DPPA3: variants seen among roughly 807,000 people sequenced by gnomAD.
The protein encoded by DPPA3 is developmental pluripotency associated 3.
DPPA3 carries 9 observed loss-of-function variants against 15.6 expected under a neutral mutation model. The ratio of observed to expected loss-of-function variants is 0.58; its 90% CI spans 0.35 to 1.01. DPPA3 has a LOEUF of 1.01. DPPA3 is among the 50% of genes least tolerant of loss of function. DPPA3 has a pLI of 0.02. For missense variants in DPPA3, 148 were observed against 194.6 expected, an observed-to-expected ratio of 0.76 and a Z score of 1.42; for synonymous variants, 61 against 70.9, an observed-to-expected ratio of 0.86 and a Z score of 0.70.
At chr12:7,712,103 G>T (rs1194576289) in intron 1 of DPPA3, among the ~76,000 whole-genome samples, 2 of 76,274 alleles carry the variant, frequency 2.6e-5, no homozygotes, top group African/African-American at 1.0e-4. Context: ...TTTTGGTAGA[G>T]ACGGGGTTTC....
intron 1 of DPPA3, among the ~76,000 whole-genome samples, chr12:7,712,089 GTA>G (rs1864352565): frequency 1.9e-4 from 3 of 15,896 alleles, no homozygotes; most frequent in East Asian, 2.1e-3. Context: ...TTTTTTTTTT[GTA>G]TTTTTGGTAG....
chr12:7,716,269 C>CCTT, intron 3 of DPPA3, 30 bp downstream of exon 3: 1 of 1,309,008 alleles, frequency 7.6e-7, no homozygotes, highest in Non-Finnish European at 1.0e-6. Context: ...TTTTATTTTC[C>CCTT]TTTTTTTTTT....
At position 7,716,716 on chromosome 12, in the gene DPPA3, G is replaced by A. The variant is rs1864404894; in HGVS notation, c.370-251G>A. Among the ~76,000 whole-genome samples, 2 of 152,278 alleles carry A rather than the reference G, an allele frequency of 1.3e-5. 1 individual carries two copies. Among genetic ancestry groups the A allele is most frequent in the Admixed American group, 1.3e-4 (2 of 15,294 alleles). On this transcript the variant is annotated intron_variant, in intron 3 of 3. Coordinates refer to ENST00000345088, the MANE Select transcript of DPPA3 (RefSeq NM_199286.4). ...GTTACATTTAAGGCATTCAGAGAAC[G>A]GAGACTAGAATGTTTTATTGACAGT...
intron 1 of DPPA3, among the ~76,000 whole-genome samples, chr12:7,712,532 C>A (rs970081676): frequency 6.6e-6 from 1 of 152,118 alleles, no homozygotes; most frequent in East Asian, 1.9e-4. Flanking sequence ...ACTGCAACCT[C>A]CGCCTCTCGG....
chr12:7,716,281 T>TTTG, intron 3 of DPPA3, 42 bp downstream of exon 3: 1 of 1,431,840 alleles, frequency 7.0e-7, no homozygotes, highest in Non-Finnish European at 9.4e-7. Context: ...TTTTTTTTTT[T>TTTG]GGCTATATAT....
chr12:7,715,924 C>A (rs1042360764), intron 2 of DPPA3, among the ~76,000 whole-genome samples: 1 of 152,074 alleles, frequency 6.6e-6, no homozygotes, highest in Admixed American at 6.6e-5. Context: ...AATCAGCCAT[C>A]TCTACAAAAA....
intron 1 of DPPA3, among the ~76,000 whole-genome samples, chr12:7,712,146 A>AAAG (rs1427376193): frequency 3.7e-4 from 51 of 139,650 alleles, no homozygotes; most frequent in African/African-American, 1.3e-3. Flanking sequence ...TGATCTCCTT[A>AAAG]CCTCGTGATC....
At chr12:7,713,150 AC>A (rs1864363499) in intron 1 of DPPA3, among the ~76,000 whole-genome samples, 1 of 152,106 alleles carries the variant, frequency 6.6e-6, no homozygotes, top group African/African-American at 2.4e-5. Flanking sequence ...CTTATTTATG[AC>A]CCTGACAGCG....
chr12:7,716,384 C>T, intron 3 of DPPA3, 145 bp downstream of exon 3: 1 of 631,966 alleles, frequency 1.6e-6, no homozygotes, highest in East Asian at 2.8e-5. Flanking sequence ...CTGGATAAGT[C>T]AGTTCATGTT....
chr12:7,711,720 CTT>C (rs3069565), intron 1 of DPPA3, 68 bp downstream of exon 1: 12,078 of 337,052 alleles, frequency 0.036, 556 homozygotes, highest in Admixed American at 0.13. Flanking sequence ...AGGCTGCCGT[CTT>C]TTTTTTTTTT....
At chr12:7,715,471 T>A (rs1386784325) in intron 2 of DPPA3, 44 bp downstream of exon 2, 6 of 1,612,632 alleles carry the variant, frequency 3.7e-6, no homozygotes, top group Non-Finnish European at 5.1e-6. Flanking sequence ...TTCCGGAGAG[T>A]GACACTCATA....
At position 7,715,300 on chromosome 12, in the gene DPPA3, G is replaced by C. The variant is rs1188717764; in HGVS notation, c.200G>C (p.Gly67Ala). The C allele has an allele frequency of 6.2e-7, 1 of 1,613,910 alleles. No homozygotes were observed. The highest frequency in any genetic ancestry group is 1.3e-5 in the African/African-American group (1 of 74,906). The part of the protein sequence containing the change: ...SEALLRRESV[G>A]AAVLREIEDE... ...GCTTTACTCCGTCGAGAGTCTGTAGGAGCAGCAGTCCTCAGGGAAATCGAA... is the reference window on the plus strand; with the variant it reads ...GCTTTACTCCGTCGAGAGTCTGTAGCAGCAGCAGTCCTCAGGGAAATCGAA... Residue 67 changes from glycine to alanine, a missense_variant, in exon 2 of 4, where the codon GGA (glycine) becomes GCA (alanine). Coordinates refer to ENST00000345088, the MANE Select transcript of DPPA3 (RefSeq NM_199286.4).
Position 7,711,625 on chromosome 12 carries a change from A to C in DPPA3, c.55A>C (p.Thr19Pro), listed in dbSNP as rs1350634983. ...TYIPGSPQML[T>P]EENSRDDSGA... is the part of the protein sequence containing the mutation. Reference sequence around the variant, plus strand: ...CATCCCAGGGTCTCCACAAATGCTCACCGAAGAAAATTCCCGGGACGATTC... The same window carrying C: ...CATCCCAGGGTCTCCACAAATGCTCCCCGAAGAAAATTCCCGGGACGATTC... The change falls in exon 1 of 4, where the codon ACC becomes CCC. Residue 19 changes from threonine to proline, a missense_variant. By Grantham distance (38) the Thr-to-Pro change is conservative (BLOSUM62 -1). Coordinates refer to ENST00000345088, the MANE Select transcript of DPPA3 (RefSeq NM_199286.4). 6.2e-7 allele frequency: 1 copy of C among 1,609,192 alleles called. No individual in the cohort carries two copies. The highest frequency in any genetic ancestry group is 8.5e-7 in the Non-Finnish European group (1 of 1,178,170).
chr12:7,716,281 T>TTTTG (rs397775394), intron 3 of DPPA3, 42 bp downstream of exon 3: 1 of 1,431,076 alleles, frequency 7.0e-7, no homozygotes, highest in Non-Finnish European at 9.4e-7. Flanking sequence ...TTTTTTTTTT[T>TTTTG]GGCTATATAT....
intron 1 of DPPA3, among the ~76,000 whole-genome samples, chr12:7,712,242 C>A (rs1864353987): frequency 6.6e-6 from 1 of 151,022 alleles, no homozygotes; most frequent in African/African-American, 2.4e-5. Flanking sequence ...AGACCAGTTT[C>A]TGGGGATAAA....
chr12:7,712,339 AACAAAT>A (rs1864354581), intron 1 of DPPA3, among the ~76,000 whole-genome samples: 1 of 151,982 alleles, frequency 6.6e-6, no homozygotes, highest in Non-Finnish European at 1.5e-5. Flanking sequence ...GGTAAAAAGG[AACAAAT>A]ACAGAGACCA....
rs1332353104 is a variant in DPPA3 at position 7,716,189 on chromosome 12, C to T, written c.328-9C>T. 2 of 1,578,416 alleles carry T rather than the reference C, an allele frequency of 1.3e-6. No individual in the cohort carries two copies. Among genetic ancestry groups the T allele is most frequent in the Admixed American group, 1.8e-5 (1 of 56,562 alleles). On this transcript the variant is annotated splice_polypyrimidine_tract_variant and intron_variant, in intron 2 of 3. Coordinates refer to ENST00000345088, the MANE Select transcript of DPPA3 (RefSeq NM_199286.4). ...TAGTTTTCAATAAACATATTTTTTT[C>T]CCATGAAGCATGAAAGAAGACCAAC...
chr12:7,716,671 A>G (rs1220594465), intron 3 of DPPA3, among the ~76,000 whole-genome samples: 2 of 152,190 alleles, frequency 1.3e-5, no homozygotes, highest in Non-Finnish European at 2.9e-5. Context: ...ACTTCAGCAG[A>G]GTGTCTAGTA....
rs3069565 is a variant in DPPA3 at position 7,711,720 on chromosome 12, C to CTTTTTTTTTTTTTTTTTTTTTTTTT, written c.82+73_82+97dup. The CTTTTTTTTTTTTTTTTTTTTTTTTT allele has an allele frequency of 1.6e-5, 5 of 321,022 alleles. 2 individuals are homozygous for CTTTTTTTTTTTTTTTTTTTTTTTTT. The African/African-American group carries it at 2.2e-4, about 14-fold the overall frequency. The allele number at this position is 321,022 out of a possible 1,614,324, so 19.9% of individuals were successfully genotyped here. ...GGTTGGGAGGTCAAAAGGCTGCCGT[C>CTTTTTTTTTTTTTTTTTTTTTTTTT]TTTTTTTTTTTTTTTTTTTTTTTTT... On this transcript the variant is annotated intron_variant, in intron 1 of 3. Transcript: ENST00000345088.
Sources: allele counts gnomAD v4.1 joint callset (sites outside exome capture counted in the v4.1 genomes callset), GRCh38; gene constraint gnomAD v4.1.1; transcripts MANE v1.5; gene names NCBI Gene and HGNC (gene_info 2026-07-23, HGNC 2026-07-21).